The following AFG2A variants were observed in gnomAD, a reference collection of about 807,000 sequenced individuals.
AFG2A encodes the protein ATPase family gene 2 protein homolog A.
At chr4:123,140,323 T>C in the AFG2A span, among the ~76,000 whole-genome samples, 4 of 152,118 alleles carry the variant, frequency 2.6e-5, no homozygotes, top group Admixed American at 6.5e-5. Context: ...CATAGCTTAA[T>C]GGATTTGGTG....
At chr4:123,198,404 A>G in the AFG2A span, among the ~76,000 whole-genome samples, 8 of 152,112 alleles carry the variant, frequency 5.3e-5, no homozygotes, top group African/African-American at 1.7e-4. Context: ...CTGGCACACA[A>G]ATTCGTATGC....
the AFG2A span, among the ~76,000 whole-genome samples, chr4:123,088,486 C>G: frequency 6.6e-6 from 1 of 152,112 alleles, no homozygotes; most frequent in East Asian, 1.9e-4. Flanking sequence ...GTTAAACTCC[C>G]ACGTGGAAAA....
At chr4:123,277,710 G>A in the AFG2A span, among the ~76,000 whole-genome samples, 21 of 152,102 alleles carry the variant, frequency 1.4e-4, 1 homozygote, top group African/African-American at 4.6e-4. Context: ...TATCAAAAAC[G>A]TTTTCTGAAT....
the AFG2A span, among the ~76,000 whole-genome samples, chr4:123,121,512 T>G: frequency 6.6e-6 from 1 of 152,214 alleles, no homozygotes; most frequent in Non-Finnish European, 1.5e-5. Flanking sequence ...GCATACCGTT[T>G]TTTAATCTCT....
At chr4:123,028,294 C>T in the AFG2A span, 19 of 1,614,046 alleles carry the variant, frequency 1.2e-5, no homozygotes, top group Admixed American at 3.0e-4. Context: ...GGGTATTCAG[C>T]CACCTAAAGG....
At chr4:123,158,710 T>A in the AFG2A span, among the ~76,000 whole-genome samples, 1 of 152,074 alleles carries the variant, frequency 6.6e-6, no homozygotes, top group Non-Finnish European at 1.5e-5. Flanking sequence ...AAATCTCCCC[T>A]AAAGAGAGTT....
At chr4:123,275,783 A>G in the AFG2A span, among the ~76,000 whole-genome samples, 3 of 152,124 alleles carry the variant, frequency 2.0e-5, no homozygotes, top group African/African-American at 7.2e-5. Context: ...GCTTAGGATA[A>G]TGGCCTCCAG....
the AFG2A span, among the ~76,000 whole-genome samples, chr4:123,240,943 A>C: frequency 6.6e-6 from 1 of 152,226 alleles, no homozygotes; most frequent in Non-Finnish European, 1.5e-5. Context: ...AAAAATGATA[A>C]AGGGGATATC....
chr4:123,150,896 G>A, the AFG2A span, among the ~76,000 whole-genome samples: 1 of 152,158 alleles, frequency 6.6e-6, no homozygotes, highest in African/African-American at 2.4e-5. Flanking sequence ...AACCAAAGCA[G>A]CATGGTACTG....
chr4:123,021,088 T>G, the AFG2A span, among the ~76,000 whole-genome samples: 1 of 152,204 alleles, frequency 6.6e-6, no homozygotes, highest in Non-Finnish European at 1.5e-5. Context: ...GTTTTGGCTT[T>G]GATTAGTAGA....
the AFG2A span, among the ~76,000 whole-genome samples, chr4:123,099,636 G>A: frequency 2.0e-5 from 3 of 151,548 alleles, no homozygotes; most frequent in Admixed American, 6.6e-5. Context: ...TTAAATAATA[G>A]TAGGGAGGCT....
chr4:123,002,708 C>G, the AFG2A span, among the ~76,000 whole-genome samples: 1 of 152,124 alleles, frequency 6.6e-6, no homozygotes. Context: ...TTGTGGGTAA[C>G]CTGACCTTTC....
chr4:123,256,902 T>A, the AFG2A span: 6 of 958,824 alleles, frequency 6.3e-6, no homozygotes, highest in South Asian at 2.4e-4. Context: ...GCTGCATTTC[T>A]TAAGGAAAGG....
chr4:122,939,861 T>C, the AFG2A span, among the ~76,000 whole-genome samples: 6 of 152,190 alleles, frequency 3.9e-5, no homozygotes, highest in African/African-American at 1.4e-4. Context: ...AATTCCCATC[T>C]ATGAGTGAGA....
At chr4:123,030,985 T>G in the AFG2A span, among the ~76,000 whole-genome samples, 4 of 152,184 alleles carry the variant, frequency 2.6e-5, no homozygotes, top group African/African-American at 7.2e-5. Context: ...GGTTTAAAAT[T>G]TTTTTAAATA....
At chr4:123,017,094 C>T in the AFG2A span, among the ~76,000 whole-genome samples, 1 of 149,788 alleles carries the variant, frequency 6.7e-6, no homozygotes, top group South Asian at 2.1e-4. Context: ...TTCGGCTCGG[C>T]ATCAGTGGGA....
the AFG2A span, among the ~76,000 whole-genome samples, chr4:123,283,358 AAGAGAGAGAG>A: frequency 1.3e-5 from 2 of 149,000 alleles, no homozygotes; most frequent in Non-Finnish European, 3.0e-5. Flanking sequence ...GGAAAAAAAA[AAGAGAGAGAG>A]AGAGAGAGAG....
the AFG2A span, among the ~76,000 whole-genome samples, chr4:123,234,404 C>T: frequency 6.6e-6 from 1 of 152,032 alleles, no homozygotes; most frequent in South Asian, 2.1e-4. Flanking sequence ...GTGAGGATTG[C>T]ACTAATTACC....
chr4:123,315,052 G>A, the AFG2A span: 4 of 150,428 alleles, frequency 2.7e-5, no homozygotes, highest in Non-Finnish European at 5.9e-5. Context: ...CACCATACCT[G>A]GAGAGGTTTT....
Sources: gnomAD v4.1 joint callset for allele counts (sites outside exome capture counted in the v4.1 genomes callset) on GRCh38, gnomAD v4.1.1 for gene constraint, MANE v1.5 for transcripts, NCBI Gene and HGNC (gene_info 2026-07-23, HGNC 2026-07-21) for gene names.